Variants in RBFOX1 observed in about 807,000 individuals in gnomAD.
RBFOX1 encodes RNA binding protein fox-1 homolog 1.
Under a neutral mutation model 57.7 loss-of-function variants are expected in RBFOX1, and 8 were observed. The observed-to-expected ratio is 0.14, with a 90% CI of 0.08 to 0.25. The LOEUF is 0.25. Ranked by LOEUF, RBFOX1 falls within the 10% of genes least tolerant of loss-of-function variation. The probability of loss-of-function intolerance (pLI) is 1.00; values close to 1 mark genes in which losing one functional copy is unlikely to be tolerated. For missense variants in RBFOX1, 611 were observed against 548.5 expected (o/e 1.11, Z -1.14); for synonymous variants, 326 against 222.4 (o/e 1.47, Z -4.15).
At chr16:7,355,351 C>G (rs2097196495) in intron 4 of RBFOX1, among the ~76,000 whole-genome samples, 1 of 152,174 alleles carries the variant, frequency 6.6e-6, no homozygotes, top group African/African-American at 2.4e-5. Context: ...AGGACAGTTT[C>G]AAGAAATAAG....
At chr16:6,723,125 G>C (rs746755127) in intron 3 of RBFOX1, among the ~76,000 whole-genome samples, 5 of 152,152 alleles carry the variant, frequency 3.3e-5, no homozygotes, top group African/African-American at 1.2e-4. Context: ...TGTTTGTCTT[G>C]GTTGCTGATG....
intron 2 of RBFOX1, among the ~76,000 whole-genome samples, chr16:6,521,709 C>G (rs1214053388): frequency 6.6e-6 from 1 of 151,808 alleles, no homozygotes; most frequent in South Asian, 2.1e-4. Context: ...AAAACAACAA[C>G]AAGAAAAAAA....
intron 3 of RBFOX1, among the ~76,000 whole-genome samples, chr16:6,698,812 C>T (rs928253740): frequency 6.6e-6 from 1 of 152,120 alleles, no homozygotes; most frequent in Admixed American, 6.5e-5. Context: ...AAATGTGAAT[C>T]CCTTATAGTG....
At chr16:5,548,388 A>G (rs1202595706) in intron 2 of RBFOX1, among the ~76,000 whole-genome samples, 1 of 151,676 alleles carries the variant, frequency 6.6e-6, no homozygotes, top group Non-Finnish European at 1.5e-5. Flanking sequence ...TAAAAGTTGC[A>G]ATTAAAAAAA....
chr16:6,875,988 A>C (rs2345818), intron 3 of RBFOX1, among the ~76,000 whole-genome samples: 37,631 of 151,868 alleles, frequency 0.25, 4,858 homozygotes, highest in African/African-American at 0.31. Context: ...ACACAGTGGA[A>C]CTTGTCTCAA....
intron 4 of RBFOX1, among the ~76,000 whole-genome samples, chr16:7,378,714 C>T (rs970632560): frequency 2.0e-5 from 3 of 152,226 alleles, no homozygotes; most frequent in Middle Eastern, 3.4e-3. Flanking sequence ...CTGCATCCGC[C>T]AAACCCTGGT....
At chr16:6,853,808 T>A (rs2057296844) in intron 3 of RBFOX1, among the ~76,000 whole-genome samples, 1 of 152,086 alleles carries the variant, frequency 6.6e-6, no homozygotes, top group Non-Finnish European at 1.5e-5. Context: ...GAGGGGTAAT[T>A]TCCTCCCCAA....
intron 3 of RBFOX1, among the ~76,000 whole-genome samples, chr16:5,711,536 C>T (rs740655): frequency 0.72 from 109,685 of 152,036 alleles, 40,350 homozygotes; most frequent in Non-Finnish European, 0.81. Flanking sequence ...GAAGAGGTAA[C>T]GAAATAAAGA....
At chr16:5,996,471 A>G (rs1379204911) in intron 4 of RBFOX1, among the ~76,000 whole-genome samples, 1 of 151,598 alleles carries the variant, frequency 6.6e-6, no homozygotes, top group Non-Finnish European at 1.5e-5. Context: ...TTTTTCTCCC[A>G]ATAAGCAGTG....
intron 10 of RBFOX1, among the ~76,000 whole-genome samples, chr16:7,612,535 G>A (rs2057713290): frequency 6.6e-6 from 1 of 151,672 alleles, no homozygotes; most frequent in South Asian, 2.1e-4. Flanking sequence ...TTCCAAGAAT[G>A]TGGAGGAATA....
At chr16:6,909,563 C>T (rs190145865) in intron 3 of RBFOX1, among the ~76,000 whole-genome samples, 70 of 152,328 alleles carry the variant, frequency 4.6e-4, no homozygotes, top group African/African-American at 1.4e-3. Flanking sequence ...AACATGCATT[C>T]ATATTCAGGC....
chr16:7,477,402 G>C (rs773725598), intron 4 of RBFOX1, among the ~76,000 whole-genome samples: 4 of 152,152 alleles, frequency 2.6e-5, no homozygotes, highest in Non-Finnish European at 5.9e-5. Flanking sequence ...GGGTTTACCC[G>C]TGGGGGGTCG....
chr16:7,219,788 G>A (rs946945859), intron 4 of RBFOX1, among the ~76,000 whole-genome samples: 9 of 152,120 alleles, frequency 5.9e-5, no homozygotes, highest in African/African-American at 2.2e-4. Flanking sequence ...TTTAATTTTT[G>A]TTCTCTATGT....
At chr16:6,439,269 A>G (rs2094315529) in intron 2 of RBFOX1, among the ~76,000 whole-genome samples, 1 of 152,172 alleles carries the variant, frequency 6.6e-6, no homozygotes. Context: ...ATGCAAATGG[A>G]AACTGCAGTC....
exon 1 of RBFOX1, chr16:5,240,011 G>T (rs1283449967): frequency 1.9e-5 from 29 of 1,531,300 alleles, no homozygotes; most frequent in Non-Finnish European, 2.5e-5. Flanking sequence ...CTGGAGGGGG[G>T]AAGCGCACAG....
intron 3 of RBFOX1, among the ~76,000 whole-genome samples, chr16:5,723,398 A>G (rs74485570): frequency 0.17 from 13,509 of 77,712 alleles, 3,409 homozygotes; most frequent in African/African-American, 0.52. Flanking sequence ...AACAGTGGCT[A>G]TCTCAAGCTT....
chr16:7,594,078 A>G (rs1288647420), intron 7 of RBFOX1, among the ~76,000 whole-genome samples: 1 of 151,942 alleles, frequency 6.6e-6, no homozygotes, highest in Non-Finnish European at 1.5e-5. Context: ...TGCACCCATC[A>G]ACTAGTCATT....
chr16:7,687,342 C>T (rs979454956), intron 14 of RBFOX1, among the ~76,000 whole-genome samples: 2 of 151,954 alleles, frequency 1.3e-5, no homozygotes, highest in Non-Finnish European at 2.9e-5. Context: ...GGTGATAAAA[C>T]TGAAATATAA....
intron 4 of RBFOX1, among the ~76,000 whole-genome samples, chr16:7,264,586 T>G (rs1336880715): frequency 6.6e-6 from 1 of 152,246 alleles, no homozygotes; most frequent in Non-Finnish European, 1.5e-5. Flanking sequence ...ATAGATAACA[T>G]GCAAAGAAAT....
Sources: allele counts gnomAD v4.1 joint callset (sites outside exome capture counted in the v4.1 genomes callset), GRCh38; gene constraint gnomAD v4.1.1; transcripts MANE v1.5; gene names NCBI Gene and HGNC (gene_info 2026-07-23, HGNC 2026-07-21).